Variants in STAG2 observed in about 807,000 individuals in gnomAD.
The protein encoded by STAG2 is cohesin subunit SA-2.
A neutral mutation model predicts 108.1 loss-of-function variants in STAG2; 14 were observed. The ratio of observed to expected loss-of-function variants is 0.13; its 90% CI spans 0.09 to 0.20. The LOEUF (loss-of-function observed/expected upper bound fraction) is 0.20, where lower values mean the gene tolerates loss of function less well. STAG2 is among the 10% of genes least tolerant of loss of function. The pLI, the probability that STAG2 is intolerant of heterozygous loss-of-function variation, is 1.00. For missense variants in STAG2, 440 were observed against 940.9 expected (o/e 0.47, Z 6.96); for synonymous variants, 307 against 302.7 (o/e 1.01, Z -0.15).
chrX:124,050,120 G>A, intron 10 of STAG2, 66 bp from the exon 11 acceptor site: 9 of 1,139,986 alleles, frequency 7.9e-6, no homozygotes, highest in Non-Finnish European at 1.1e-5. Context: ...GGCATCTCTT[G>A]AATAAACCAT....
chrX:124,054,187 TAGC>T (rs1005572433), intron 13 of STAG2, among the ~76,000 whole-genome samples: 7 of 112,347 alleles, frequency 6.2e-5, no homozygotes, highest in African/African-American at 1.6e-4. Flanking sequence ...TTGTTTGTAA[TAGC>T]AGAATTTTGA....
At chrX:124,097,179 CAAAAAAAAAA>C (rs56942682) in intron 34 of STAG2, among the ~76,000 whole-genome samples, 1 of 38,205 alleles carries the variant, frequency 2.6e-5, no homozygotes, top group Non-Finnish European at 4.1e-5. Flanking sequence ...GACCCTGTCT[CAAAAAAAAAA>C]AAAAAAAAAA....
chrX:123,982,612 C>A (rs1457445786), intron 1 of STAG2, among the ~76,000 whole-genome samples: 1 of 111,233 alleles, frequency 9.0e-6, no homozygotes, highest in South Asian at 3.7e-4. Context: ...GTCTCGAACT[C>A]CTGACCTCAA....
chrX:123,971,228 G>A (rs779532110), intron 1 of STAG2, among the ~76,000 whole-genome samples: 12 of 111,393 alleles, frequency 1.1e-4, no homozygotes, highest in South Asian at 3.8e-4. Context: ...TCAGGAGTTC[G>A]AGCCAGCCTG....
Position 124,098,535 on chromosome X carries a change from G to T in STAG2, c.3784-2039G>T, listed in dbSNP as rs756982301. On this transcript the variant is annotated intron_variant, in intron 34 of 34. Transcript: ENST00000371145. Reference sequence around the variant, plus strand: ...GTTCTTACTGAAGCCCATAATACCGGAGTCATCTAAACAGTAGCAAAATTG... The same window carrying T: ...GTTCTTACTGAAGCCCATAATACCGTAGTCATCTAAACAGTAGCAAAATTG... Among the ~76,000 whole-genome samples the T allele has an allele frequency of 1.1e-4, 12 of 111,207 alleles. No homozygotes were observed. The South Asian group carries it at 4.5e-3, about 42-fold the overall frequency.
At chrX:124,040,178 C>A (rs1457965232) in intron 6 of STAG2, among the ~76,000 whole-genome samples, 1 of 111,152 alleles carries the variant, frequency 9.0e-6, no homozygotes, top group Non-Finnish European at 1.9e-5. Context: ...TTCCTGCAGA[C>A]CCAAAGTTGT....
intron 1 of STAG2, among the ~76,000 whole-genome samples, chrX:124,006,346 C>G (rs1340986128): frequency 1.8e-5 from 2 of 110,760 alleles, no homozygotes; most frequent in Admixed American, 9.6e-5. Flanking sequence ...CGTCTAAGCT[C>G]TTTGCCAGAG....
intron 1 of STAG2, among the ~76,000 whole-genome samples, chrX:123,985,671 A>G (rs1214154713): frequency 9.1e-6 from 1 of 109,940 alleles, no homozygotes; most frequent in Non-Finnish European, 1.9e-5. Flanking sequence ...CCTGGGCTCC[A>G]GTAATCCACC....
At chrX:124,081,225 A>T (rs2058954291) in intron 27 of STAG2, among the ~76,000 whole-genome samples, 155 bp from the exon 28 acceptor site, 1 of 112,268 alleles carries the variant, frequency 8.9e-6, no homozygotes, top group Non-Finnish European at 1.9e-5. Flanking sequence ...GAAGTACTGC[A>T]CTTTTGGTCA....
At chrX:124,080,571 G>A (rs2058929032) in intron 27 of STAG2, among the ~76,000 whole-genome samples, 1 of 109,722 alleles carries the variant, frequency 9.1e-6, no homozygotes, top group African/African-American at 3.3e-5. Flanking sequence ...ACCTTTAATC[G>A]CAGCTACTCG....
chrX:124,058,039 G>T (rs1056530824), intron 15 of STAG2, 62 bp downstream of exon 15: 27 of 618,197 alleles, frequency 4.4e-5, no homozygotes, highest in Non-Finnish European at 4.8e-6. Context: ...GGGTTAAAAT[G>T]AGGCACATTT....
intron 1 of STAG2, among the ~76,000 whole-genome samples, chrX:123,971,048 C>T (rs969935842): frequency 1.8e-5 from 2 of 111,732 alleles, no homozygotes; most frequent in African/African-American, 3.3e-5. Context: ...TGTGATGACC[C>T]TAATTAATAC....
At chrX:123,990,703 T>C (rs746137968) in intron 1 of STAG2, among the ~76,000 whole-genome samples, 36 of 111,753 alleles carry the variant, frequency 3.2e-4, no homozygotes, top group African/African-American at 1.1e-3. Context: ...AAAGAGGTAG[T>C]GATTATCTCA....
intron 3 of STAG2, among the ~76,000 whole-genome samples, chrX:124,024,880 A>G (rs1244425360): frequency 3.6e-5 from 4 of 112,040 alleles, no homozygotes; most frequent in Middle Eastern, 4.6e-3. Context: ...GCTCAATTCT[A>G]AAATCCAGTG....
rs772416689 is a variant in STAG2, at chrX:123,994,048, T to G, written c.-162-27319T>G. Among the ~76,000 whole-genome samples the G allele has an allele frequency of 2.7e-3, 305 of 111,824 alleles. 2 individuals are homozygous for G. Among genetic ancestry groups the G allele is most frequent in the African/African-American group, 9.3e-3 (287 of 30,813 alleles). On this transcript the variant is annotated intron_variant, in intron 1 of 34. Transcript: ENST00000371145. ...GGGTAATTTATAAACAAAAGAGGTTTTAGCTCAGTGTTCTACAGTCTGGAA... is the reference window on the plus strand; with the variant it reads ...GGGTAATTTATAAACAAAAGAGGTTGTAGCTCAGTGTTCTACAGTCTGGAA...
rs190262226 is a variant in STAG2, at chrX:124,084,320, G to C, written c.3053+771G>C. ...TGGAGAGTTTGAATGGGAACACTAG[G>C]GTACTAGAGTTCTGTATCTTTTTTT... On this transcript the variant is annotated intron_variant, in intron 29 of 34. Coordinates refer to ENST00000371145, the MANE Select transcript of STAG2 (RefSeq NM_001042750.2). 9.4e-3 allele frequency among the ~76,000 whole-genome samples: 1,036 copies of C among 110,604 alleles called. 15 individuals are homozygous for C. The highest frequency in any genetic ancestry group is 0.032 in the African/African-American group (973 of 30,373).
chrX:124,013,229 G>A lies in STAG2; in HGVS notation c.-162-8138G>A, dbSNP rs112752331. Reference sequence around the variant, plus strand: ...AAGTTGTAATTACCCATGTTTATTTGTTATGTCTTAACATTACAAATTGAC... The same window carrying A: ...AAGTTGTAATTACCCATGTTTATTTATTATGTCTTAACATTACAAATTGAC... On this transcript the variant is annotated intron_variant, in intron 1 of 34. Coordinates refer to ENST00000371145, the MANE Select transcript of STAG2 (RefSeq NM_001042750.2). Among the ~76,000 whole-genome samples, 548 of 110,629 alleles carry A rather than the reference G, an allele frequency of 5.0e-3. 2 individuals carry two copies. The highest frequency in any genetic ancestry group is 0.017 in the African/African-American group (512 of 30,364).
chrX:124,013,983 G>T (rs1027985081), intron 1 of STAG2, among the ~76,000 whole-genome samples: 3 of 111,552 alleles, frequency 2.7e-5, no homozygotes, highest in African/African-American at 6.5e-5. Context: ...ATCAAAAATG[G>T]TCATTGAGAA....
chrX:124,013,853 A>G (rs1010989268), intron 1 of STAG2, among the ~76,000 whole-genome samples: 1 of 111,349 alleles, frequency 9.0e-6, no homozygotes, highest in African/African-American at 3.3e-5. Flanking sequence ...ACAGGTTACA[A>G]TTGAGTACTG....
Sources: allele counts gnomAD v4.1 joint callset (sites outside exome capture counted in the v4.1 genomes callset), GRCh38; gene constraint gnomAD v4.1.1; transcripts MANE v1.5; gene names NCBI Gene and HGNC (gene_info 2026-07-23, HGNC 2026-07-21).